The following ADCY1 variants were observed in gnomAD, a reference collection of about 807,000 sequenced individuals.
ADCY1 encodes adenylate cyclase type 1.
In ADCY1, 28 loss-of-function variants were observed where a neutral mutation model predicts 105.4. The ratio of observed to expected loss-of-function variants is 0.27; its 90% CI spans 0.20 to 0.36. The LOEUF (loss-of-function observed/expected upper bound fraction) is 0.36, where lower values mean the gene tolerates loss of function less well. ADCY1 is among the 10% of genes least tolerant of loss of function. The pLI, the probability that ADCY1 is intolerant of heterozygous loss-of-function variation, is 1.00. For synonymous variants in ADCY1, 655 were observed against 623.8 expected, an observed-to-expected ratio of 1.05 and a Z score of -0.75; for missense variants, 977 against 1,434.2, an observed-to-expected ratio of 0.68 and a Z score of 5.15.
chr7:45,714,461 A>G lies in ADCY1; in HGVS notation c.*466A>G, dbSNP rs1452264423. On this transcript the variant is annotated 3_prime_UTR_variant, in exon 20 of 20. Transcript: ENST00000297323. ...CCGCCCCGCCCAGGTGGGACCTGAC[A>G]TACAGGCGGCTCCAGCCCTGGGCAG... is the stretch of plus-strand genomic sequence containing the variant. 1 of 166,146 alleles carries G rather than the reference A, an allele frequency of 6.0e-6. No individual in the cohort carries two copies. Among genetic ancestry groups the G allele is most frequent in the Non-Finnish European group, 1.3e-5 (1 of 76,476 alleles). The allele number at this position is 166,146 out of a possible 1,614,324, so 10.3% of individuals were successfully genotyped here. A position where few individuals can be genotyped will look rare whatever the true frequency, so the allele number is the denominator to read the frequency against.
chr7:45,579,359 G>T (rs533617804), intron 1 of ADCY1, among the ~76,000 whole-genome samples: 1 of 151,958 alleles, frequency 6.6e-6, no homozygotes, highest in East Asian at 1.9e-4. Flanking sequence ...TCCCCTGCTG[G>T]CCCCTCCTCT....
In ADCY1 at chr7:45,703,315, G is replaced by T; in HGVS notation, c.2455-61G>T. 6.7e-7 allele frequency: 1 copy of T among 1,496,492 alleles called. No individual in the cohort carries two copies. The highest frequency in any genetic ancestry group is 1.1e-5 in the South Asian group (1 of 88,494). 92.7% of individuals were successfully genotyped at this position (1,496,492 alleles called of 1,614,324 possible). A position where few individuals can be genotyped will look rare whatever the true frequency, so the allele number is the denominator to read the frequency against. The stretch of plus-strand genomic sequence containing the variant: ...TTTGGATGATTAGAAGGAAGTGTGC[G>T]GTGGGAACAAGTGAAGGCAGCGTGA... On this transcript the variant is annotated intron_variant, in intron 14 of 19. Transcript: ENST00000297323. This position sits in a 1 kb window ranked among gnomAD's most constrained non-coding sequence, Gnocchi z 5.9.
chr7:45,641,739 A>G (rs184425738), intron 4 of ADCY1, among the ~76,000 whole-genome samples: 1 of 147,088 alleles, frequency 6.8e-6, no homozygotes, highest in East Asian at 2.0e-4. Flanking sequence ...ATCCTGGCCA[A>G]CAAGGTGAAA....
rs779917215 is a variant in ADCY1, at chr7:45,679,721, C to T, written c.1911C>T (p.Val637=). Residue 637 remains valine (V), a synonymous_variant, in exon 11 of 20, where the codon GTC becomes GTT. Coordinates refer to ENST00000297323, the MANE Select transcript of ADCY1 (RefSeq NM_021116.4). ...TTCTGTCCCCCAGGAGTGTGGTCGT[C>T]CTGCTCCTGCTAGTATTCTGCATCT... ...YLLIFPQSVV[V]LLLLVFCICF... The T allele has an allele frequency of 6.2e-7, 1 of 1,614,216 alleles. No homozygotes were observed. The highest frequency in any genetic ancestry group is 1.7e-5 in the Admixed American group (1 of 60,032).
rs1223084213 is a variant in ADCY1 at position 45,668,428 on chromosome 7, C to T, written c.1605+6214C>T. ...TTGGTTCTGTTTATATGCTGGATTA[C>T]GTTTATTGATTTGTGTATGTTGAAC... On this transcript the variant is annotated intron_variant, in intron 8 of 19. Coordinates refer to ENST00000297323, the MANE Select transcript of ADCY1 (RefSeq NM_021116.4). Among the ~76,000 whole-genome samples the T allele has an allele frequency of 3.9e-5, 6 of 152,104 alleles. No individual in the cohort carries two copies. In the South Asian group the frequency reaches 6.2e-4, roughly 16 times the overall value.
rs34588538 is a variant in ADCY1 at position 45,699,347 on chromosome 7, T to G, written c.2455-4029T>G. 8.9e-3 allele frequency among the ~76,000 whole-genome samples: 1,351 copies of G among 152,204 alleles called. 9 individuals carry two copies. Among genetic ancestry groups the G allele is most frequent in the Non-Finnish European group, 0.015 (999 of 68,012 alleles). ...ATTCAACGTATGTTGTCCAGCGGCT[T>G]GAGGGTTTGAGGTTGGGTGAAGCTG... is the stretch of plus-strand genomic sequence containing the variant. On this transcript the variant is annotated intron_variant, in intron 14 of 19. Coordinates refer to ENST00000297323, the MANE Select transcript of ADCY1 (RefSeq NM_021116.4).
At chr7:45,614,183 G>A (rs1793669756) in intron 3 of ADCY1, among the ~76,000 whole-genome samples, 1 of 151,876 alleles carries the variant, frequency 6.6e-6, no homozygotes, top group South Asian at 2.1e-4. Flanking sequence ...GAAAACAAAA[G>A]TATTAAAAAT....
intron 8 of ADCY1, among the ~76,000 whole-genome samples, chr7:45,670,325 C>A (rs570115816): frequency 6.6e-6 from 1 of 152,342 alleles, no homozygotes; most frequent in African/African-American, 2.4e-5. Context: ...CCCGTCACAG[C>A]CCAGGACTGT....
At chr7:45,666,103 AG>A (rs1784247482) in intron 8 of ADCY1, among the ~76,000 whole-genome samples, 1 of 152,132 alleles carries the variant, frequency 6.6e-6, no homozygotes, top group Non-Finnish European at 1.5e-5. Flanking sequence ...AAAAATCACC[AG>A]TATGCTCAAT....
chr7:45,644,187 G>A (rs894653300), intron 4 of ADCY1, among the ~76,000 whole-genome samples: 2 of 152,180 alleles, frequency 1.3e-5, no homozygotes, highest in African/African-American at 4.8e-5. Flanking sequence ...GAATTGGGAT[G>A]CAGTGTGCGA....
At chr7:45,645,020 A>T (rs978336736) in intron 4 of ADCY1, among the ~76,000 whole-genome samples, 1 of 152,126 alleles carries the variant, frequency 6.6e-6, no homozygotes. Context: ...TGAGCTGGAT[A>T]TGTGCACACA....
intron 7 of ADCY1, among the ~76,000 whole-genome samples, chr7:45,660,858 C>T (rs2461134): frequency 0.52 from 76,551 of 147,410 alleles, 22,910 homozygotes; most frequent in Non-Finnish European, 0.66. Context: ...GTTCAGGGCT[C>T]AGGTGAGGGG....
At chr7:45,632,295 G>T (rs1187858908) in intron 4 of ADCY1, among the ~76,000 whole-genome samples, 1 of 152,034 alleles carries the variant, frequency 6.6e-6, no homozygotes, top group Non-Finnish European at 1.5e-5. Flanking sequence ...GTGATTTTTG[G>T]CTATTCTAGG....
At chr7:45,593,556 C>T (rs1584255011) in intron 2 of ADCY1, among the ~76,000 whole-genome samples, 2 of 152,314 alleles carry the variant, frequency 1.3e-5, no homozygotes, top group Middle Eastern at 3.4e-3. Context: ...GGGGCCTGTG[C>T]CCAGCATGTG....
intron 8 of ADCY1, among the ~76,000 whole-genome samples, chr7:45,671,546 G>T (rs1186808569): frequency 6.6e-6 from 1 of 152,048 alleles, no homozygotes; most frequent in African/African-American, 2.4e-5. Flanking sequence ...AGTGTATGAA[G>T]GATCCAGTTC....
chr7:45,609,129 C>T (rs1793459354), intron 2 of ADCY1, among the ~76,000 whole-genome samples: 1 of 152,244 alleles, frequency 6.6e-6, no homozygotes. Flanking sequence ...CCCTCATGGC[C>T]ACTTCCCAGA....
intron 5 of ADCY1, among the ~76,000 whole-genome samples, chr7:45,652,678 C>T (rs989426626): frequency 6.6e-6 from 1 of 152,182 alleles, no homozygotes. Flanking sequence ...GTCTAGGACC[C>T]GTTTTGTCAA....
chr7:45,702,447 T>A, intron 14 of ADCY1, among the ~76,000 whole-genome samples: 1 of 152,206 alleles, frequency 6.6e-6, no homozygotes, highest in Non-Finnish European at 1.5e-5. Flanking sequence ...CATGGGCCGC[T>A]CCGCAAGGGC....
At chr7:45,627,856 G>A (rs970852890) in intron 4 of ADCY1, among the ~76,000 whole-genome samples, 2 of 152,174 alleles carry the variant, frequency 1.3e-5, no homozygotes, top group African/African-American at 4.8e-5. Context: ...CTCGTGGGGA[G>A]ATGCATCTGC....
Sources: gnomAD v4.1 joint callset for allele counts (sites outside exome capture counted in the v4.1 genomes callset) on GRCh38, gnomAD v4.1.1 for gene constraint, Gnocchi (gnomAD v3.1) non-coding constraint, MANE v1.5 for transcripts, NCBI Gene and HGNC (gene_info 2026-07-23, HGNC 2026-07-21) for gene names.